The following PTPRD variants were observed in gnomAD, a reference collection of about 807,000 sequenced individuals.
PTPRD encodes the protein protein tyrosine phosphatase receptor type D.
A neutral mutation model predicts 214.5 loss-of-function variants in PTPRD; 34 were observed. That is an observed-to-expected ratio of 0.16 (90% CI 0.12 to 0.21). PTPRD has a LOEUF of 0.21. Ranked by LOEUF, PTPRD falls within the 10% of genes least tolerant of loss-of-function variation. The probability of loss-of-function intolerance (pLI) is 1.00; values close to 1 mark genes in which losing one functional copy is unlikely to be tolerated. For missense variants in PTPRD, 2,545 were observed against 2,398.7 expected, an observed-to-expected ratio of 1.06 and a Z score of -1.27; for synonymous variants, 1,128 against 845.7, an observed-to-expected ratio of 1.33 and a Z score of -5.79.
At chr9:10,258,062 G>A (rs1173245049) in intron 3 of PTPRD, among the ~76,000 whole-genome samples, 1 of 152,128 alleles carries the variant, frequency 6.6e-6, no homozygotes, top group Non-Finnish European at 1.5e-5. Flanking sequence ...GAGTCAGTCG[G>A]TAGATTTCAA....
chr9:10,430,046 T>C (rs1048417834), intron 2 of PTPRD, among the ~76,000 whole-genome samples: 17 of 152,018 alleles, frequency 1.1e-4, no homozygotes, highest in African/African-American at 4.1e-4. Flanking sequence ...CTTTCTATTA[T>C]ATAATAGCTT....
At chr9:10,159,815 G>GA (rs112979909) in intron 3 of PTPRD, among the ~76,000 whole-genome samples, 3 of 151,326 alleles carry the variant, frequency 2.0e-5, no homozygotes, top group Admixed American at 6.6e-5. Context: ...CAGCTAGAGG[G>GA]AAAAAAAAGA....
At chr9:10,027,412 C>T (rs1299269455) in intron 4 of PTPRD, among the ~76,000 whole-genome samples, 1 of 152,148 alleles carries the variant, frequency 6.6e-6, no homozygotes, top group East Asian at 1.9e-4. Context: ...AAACATGGCC[C>T]ACTATCATGG....
At chr9:9,527,496 A>C (rs1365366201) in intron 8 of PTPRD, among the ~76,000 whole-genome samples, 27 of 152,166 alleles carry the variant, frequency 1.8e-4, no homozygotes, top group Non-Finnish European at 7.4e-5. Flanking sequence ...TTGTAATCAA[A>C]AATTTGCTAG....
intron 7 of PTPRD, among the ~76,000 whole-genome samples, chr9:9,599,117 T>A (rs1209001571): frequency 6.6e-6 from 1 of 152,074 alleles, no homozygotes; most frequent in Admixed American, 6.6e-5. Flanking sequence ...CATGACTCTA[T>A]ACAGTAAATG....
At chr9:10,270,066 G>C (rs950600847) in intron 3 of PTPRD, among the ~76,000 whole-genome samples, 2 of 151,968 alleles carry the variant, frequency 1.3e-5, no homozygotes, top group Non-Finnish European at 2.9e-5. Context: ...GTTGAGTCCT[G>C]TTCAGTAGTA....
intron 2 of PTPRD, among the ~76,000 whole-genome samples, chr9:10,387,093 A>G (rs2097929205): frequency 6.6e-6 from 1 of 151,816 alleles, no homozygotes; most frequent in African/African-American, 2.4e-5. Flanking sequence ...GTTCGCAAGA[A>G]TCTCCAGAAA....
At chr9:8,414,626 T>C (rs922659618) in intron 35 of PTPRD, among the ~76,000 whole-genome samples, 1 of 151,760 alleles carries the variant, frequency 6.6e-6, no homozygotes, top group Non-Finnish European at 1.5e-5. Flanking sequence ...ATAGGCTGAG[T>C]TTGAGTTAGG....
intron 8 of PTPRD, among the ~76,000 whole-genome samples, chr9:9,451,491 C>T (rs2092161958): frequency 6.6e-6 from 1 of 151,682 alleles, no homozygotes; most frequent in South Asian, 2.1e-4. Context: ...CGAATTTTCA[C>T]TGGACAAAAT....
chr9:10,161,187 C>T (rs1345499514), intron 3 of PTPRD, among the ~76,000 whole-genome samples: 1 of 151,776 alleles, frequency 6.6e-6, no homozygotes, highest in East Asian at 1.9e-4. Context: ...ACACCAATAA[C>T]ATTATTCACA....
At chr9:9,057,198 A>C (rs2099697929) in intron 10 of PTPRD, among the ~76,000 whole-genome samples, 1 of 152,216 alleles carries the variant, frequency 6.6e-6, no homozygotes, top group African/African-American at 2.4e-5. Context: ...TCACTCAGTA[A>C]ATCAATGAAC....
chr9:9,158,630 T>G (rs1043069690), intron 10 of PTPRD, among the ~76,000 whole-genome samples: 3 of 151,794 alleles, frequency 2.0e-5, no homozygotes, highest in African/African-American at 7.3e-5. Flanking sequence ...ATAAAAATAA[T>G]AAAGAAGAAC....
At chr9:10,336,492 T>G (rs1202467498) in intron 3 of PTPRD, among the ~76,000 whole-genome samples, 1 of 151,518 alleles carries the variant, frequency 6.6e-6, no homozygotes, top group Admixed American at 6.6e-5. Flanking sequence ...AAAAATAATA[T>G]GAAAAGAGCC....
At chr9:8,486,599 T>A (rs768068875) in intron 27 of PTPRD, 73 of 636,320 alleles carry the variant, frequency 1.1e-4, no homozygotes, top group Non-Finnish European at 2.0e-4. Context: ...AACAACAGCT[T>A]AAGGGGATTT....
intron 3 of PTPRD, among the ~76,000 whole-genome samples, chr9:10,212,917 C>G (rs933309631): frequency 2.0e-5 from 3 of 152,132 alleles, no homozygotes; most frequent in Admixed American, 1.3e-4. Flanking sequence ...TGCTATTTAT[C>G]TCAGACAGTT....
intron 3 of PTPRD, among the ~76,000 whole-genome samples, chr9:10,279,978 A>G (rs1171225253): frequency 1.3e-5 from 2 of 152,224 alleles, no homozygotes; most frequent in East Asian, 3.8e-4. Flanking sequence ...TTCAGTTTTT[A>G]AAATCCTGGA....
intron 3 of PTPRD, among the ~76,000 whole-genome samples, chr9:10,164,024 G>T (rs1260193298): frequency 6.6e-6 from 1 of 151,410 alleles, no homozygotes; most frequent in Non-Finnish European, 1.5e-5. Flanking sequence ...AATTCAAAAA[G>T]ATCACTTGGC....
At chr9:9,288,379 C>G (rs1950153553) in intron 9 of PTPRD, among the ~76,000 whole-genome samples, 1 of 151,796 alleles carries the variant, frequency 6.6e-6, no homozygotes. Context: ...TATTTTCATA[C>G]TTTGTTAAAC....
At chr9:8,738,120 T>C (rs1184993659) in intron 11 of PTPRD, among the ~76,000 whole-genome samples, 3 of 152,262 alleles carry the variant, frequency 2.0e-5, no homozygotes, top group Admixed American at 6.5e-5. Context: ...TATCAGCTTC[T>C]GTATATCTGT....
Sources: allele counts gnomAD v4.1 joint callset (sites outside exome capture counted in the v4.1 genomes callset), GRCh38; gene constraint gnomAD v4.1.1; transcripts MANE v1.5; gene names NCBI Gene and HGNC (gene_info 2026-07-23, HGNC 2026-07-21).